The following POLRMT variants were observed in gnomAD, a reference collection of about 807,000 sequenced individuals.
The protein encoded by POLRMT is RNA polymerase mitochondrial.
In POLRMT, 114 loss-of-function variants were observed where a neutral mutation model predicts 132.2. The observed-to-expected ratio is 0.86, with a 90% CI of 0.74 to 1.01. The LOEUF is 1.01. Ranked by LOEUF, POLRMT falls within the 50% of genes least tolerant of loss-of-function variation. The pLI is 0.00. For missense variants in POLRMT, 2,003 were observed against 1,729.1 expected (o/e 1.16, Z -2.81); for synonymous variants, 1,020 against 773.4 (o/e 1.32, Z -5.29).
intron 3 of POLRMT, among the ~76,000 whole-genome samples, chr19:627,786 G>A (rs542704093): frequency 7.2e-5 from 11 of 151,970 alleles, no homozygotes; most frequent in Admixed American, 2.6e-4. Context: ...TTGGCCGGGC[G>A]TGGTGGTGAG....
chr19:633,381 A>T (rs11669858), intron 1 of POLRMT, 44 bp downstream of exon 1: 13 of 1,448,708 alleles, frequency 9.0e-6, no homozygotes, highest in Non-Finnish European at 1.2e-5. Context: ...GGAGGAGCCC[A>T]CGCCGTGGCC....
In POLRMT at chr19:629,632, G is replaced by A; in HGVS notation, c.730C>T (p.His244Tyr). ...TGGCCGTGGTGGACGACCAGCAGGT[G>A]GTGGGCGAGGGGCAGCTGGTCAGTG... ...LLTDQLPLAH[H>Y]LLVVHHGQRQ... Residue 244 changes from histidine (H) to tyrosine (Y), a missense_variant, in exon 3 of 21, where the codon CAC becomes TAC. Coordinates refer to ENST00000588649, the MANE Select transcript of POLRMT (RefSeq NM_005035.4). 6.2e-7 allele frequency: 1 copy of A among 1,609,976 alleles called. No individual in the cohort carries two copies.
At chr19:633,328 C>T (rs1311401987) in intron 1 of POLRMT, 97 bp downstream of exon 1, 36 of 1,339,944 alleles carry the variant, frequency 2.7e-5, no homozygotes, top group Non-Finnish European at 3.5e-5. Flanking sequence ...CGCCCAGGTG[C>T]AAAGAGGCAA....
At chr19:617,719 A>G (rs1400823603) in intron 18 of POLRMT, 58 bp downstream of exon 18, 71 of 1,610,436 alleles carry the variant, frequency 4.4e-5, no homozygotes, top group Non-Finnish European at 5.9e-5. Context: ...CCCCTACCCA[A>G]CGCCCCAGTG....
intron 13 of POLRMT, 43 bp downstream of exon 13, chr19:619,543 G>T (rs776010415): frequency 1.2e-6 from 2 of 1,606,660 alleles, no homozygotes; most frequent in South Asian, 1.1e-5. Context: ...GTTTTAAATG[G>T]CAGTGAAACC....
chr19:628,860 C>CGGG (rs1985208273), intron 3 of POLRMT, among the ~76,000 whole-genome samples: 1 of 151,998 alleles, frequency 6.6e-6, no homozygotes, highest in Admixed American at 6.6e-5. Context: ...AAAAATTAAT[C>CGGG]GGGGGTGGTG....
chr19:618,541 G>C lies in POLRMT; in HGVS notation c.3369C>G (p.Phe1123Leu), dbSNP rs756766243. 6.2e-7 allele frequency: 1 copy of C among 1,613,412 alleles called. No individual in the cohort carries two copies. The highest frequency in any genetic ancestry group is 1.3e-5 in the African/African-American group (1 of 75,050). The change falls in exon 17 of 21, where the codon TTC becomes TTG. Residue 1123 changes from phenylalanine to leucine, a missense_variant. Physicochemically the swap from Phe to Leu is conservative, Grantham distance 22. Coordinates refer to ENST00000588649, the MANE Select transcript of POLRMT (RefSeq NM_005035.4). ...TGTGGGAGGAGTCCAGCGAGTGGAT[G>C]AAGTTGGGCGGGAAGCCGTTCTTCT... ...RKQKNGFPPN[F>L]IHSLDSSHMM...
rs1334725619 is a variant in POLRMT at position 624,733 on chromosome 19, C to G, written c.1126G>C (p.Asp376His). The change falls in exon 5 of 21, where the codon GAC (aspartate) becomes CAC (histidine). Residue 376 changes from aspartate (D) to histidine (H), a missense_variant. Asp to His is a moderately conservative substitution (Grantham distance 81, BLOSUM62 -1). Coordinates refer to ENST00000588649, the MANE Select transcript of POLRMT (RefSeq NM_005035.4). ...PPVNTSKLLR[D>H]VYAKDGRVSY... Reference sequence around the variant, plus strand: ...CGTGGGCTCACCTTGGCATACACGTCCCTGAGCAGCTTGGAGGTGTTGACC... The same window carrying G: ...CGTGGGCTCACCTTGGCATACACGTGCCTGAGCAGCTTGGAGGTGTTGACC... The G allele has an allele frequency of 6.2e-7, 1 of 1,613,496 alleles. No individual in the cohort carries two copies. The highest frequency in any genetic ancestry group is 1.1e-5 in the South Asian group (1 of 91,072).
At chr19:620,632 G>T (rs1984454359) in intron 10 of POLRMT, 145 bp from the exon 11 acceptor site, 2 of 1,097,110 alleles carry the variant, frequency 1.8e-6, no homozygotes, top group Middle Eastern at 2.6e-4. Context: ...GAGAGACGGG[G>T]CGGTGGCTGG....
At chr19:617,360 G>A (rs1377563723) in intron 20 of POLRMT, 37 bp from the exon 21 acceptor site, 11 of 1,612,532 alleles carry the variant, frequency 6.8e-6, no homozygotes, top group African/African-American at 1.3e-5. Context: ...TGGGTGGCGG[G>A]AAAGCCCCGC....
intron 1 of POLRMT, 142 bp downstream of exon 1, chr19:633,283 G>T: frequency 1.9e-6 from 2 of 1,057,080 alleles, no homozygotes; most frequent in South Asian, 2.5e-5. Context: ...GGGCAAGGGC[G>T]AGTGGAAAGC....
At chr19:622,451 G>T in intron 8 of POLRMT, 78 bp from the exon 9 acceptor site, 4 of 1,463,152 alleles carry the variant, frequency 2.7e-6, no homozygotes, top group Non-Finnish European at 3.6e-6. Flanking sequence ...CTGACGCCCG[G>T]TGGGGCATCT....
In POLRMT at chr19:621,837, G is replaced by A. The variant is rs1984635161; in HGVS notation, c.1861C>T (p.Leu621=). The A allele has an allele frequency of 2.5e-6, 4 of 1,602,164 alleles. No homozygotes were observed. The highest frequency in any genetic ancestry group is 3.4e-6 in the Non-Finnish European group (4 of 1,179,834). ...TGCACGTAGGCCGGGTGCGGCTTCA[G>A]GATGCCGATCTGGGGTGCGACAGGC... ...SFRNVQQIGI[L]KPHPAYVQLL... is the part of the protein sequence containing the mutation. Residue 621 remains leucine, a synonymous_variant, in exon 10 of 21, where the codon CTG becomes TTG. Transcript: ENST00000588649.
At chr19:617,745 T>C (rs777745973) in intron 18 of POLRMT, 32 bp downstream of exon 18, 24 of 1,612,046 alleles carry the variant, frequency 1.5e-5, no homozygotes, top group African/African-American at 8.0e-5. Context: ...GCCCCACCCA[T>C]GGGTGGACTG....
At position 617,838 on chromosome 19, in the gene POLRMT, G is replaced by C; in HGVS notation, c.3434C>G (p.Thr1145Ser). The C allele has an allele frequency of 6.2e-7, 1 of 1,613,250 alleles. No individual in the cohort carries two copies. The highest frequency in any genetic ancestry group is 1.1e-5 in the South Asian group (1 of 91,088). The change falls in exon 18 of 21, where the codon ACC (threonine) becomes AGC (serine). Residue 1145 changes from threonine (T) to serine (S), a missense_variant. Physicochemically the swap from Thr to Ser is moderately conservative, Grantham distance 58. Coordinates refer to ENST00000588649, the MANE Select transcript of POLRMT (RefSeq NM_005035.4). ...TALHCYRKGL[T>S]FVSVHDCYWT... is the part of the protein sequence containing the mutation. Reference sequence around the variant, plus strand: ...GTAACAGTCGTGCACAGAGACGAAGGTCAGGCCCTTCCTGTGGCAGAGCGG... The same window carrying C: ...GTAACAGTCGTGCACAGAGACGAAGCTCAGGCCCTTCCTGTGGCAGAGCGG...
rs371250815 is a variant in POLRMT at position 619,922 on chromosome 19, C to T, written c.2886+36G>A. On this transcript the variant is annotated intron_variant, in intron 12 of 20. Transcript: ENST00000588649. ...AGACTCAGGGCTCACATTGCCCCCA[C>T]GCCGAGATGCCCCCGGGCAGCAGGG... 2.5e-4 allele frequency: 403 copies of T among 1,598,878 alleles called. 4 individuals are homozygous for T. In the South Asian group the frequency reaches 4.1e-3, roughly 16 times the overall value.
chr19:632,380 C>G (rs1422138144), intron 2 of POLRMT, among the ~76,000 whole-genome samples: 2 of 152,216 alleles, frequency 1.3e-5, no homozygotes, highest in African/African-American at 4.8e-5. Flanking sequence ...CAGGCCAGGA[C>G]GAGGGCCTGC....
In POLRMT at chr19:622,767, CG is replaced by C; in HGVS notation, c.1456-16del. 1 of 1,574,372 alleles carries C rather than the reference CG, an allele frequency of 6.4e-7. No individual in the cohort carries two copies. The highest frequency in any genetic ancestry group is 8.6e-7 in the Non-Finnish European group (1 of 1,162,212). On this transcript the variant is annotated splice_polypyrimidine_tract_variant and intron_variant, in intron 7 of 20. Coordinates refer to ENST00000588649, the MANE Select transcript of POLRMT (RefSeq NM_005035.4). ...GCCTGCAGGACCTGCGGAAGGCAGC[CG>C]TGAGTGCCTGCCCGCCCCGCCCGGG...
chr19:626,515 A>T (rs1402254530), intron 3 of POLRMT, among the ~76,000 whole-genome samples: 6 of 147,382 alleles, frequency 4.1e-5, no homozygotes, highest in Non-Finnish European at 7.4e-5. Flanking sequence ...GGCCAGGCAC[A>T]GTGGCTCATG....
Sources: allele counts gnomAD v4.1 joint callset (sites outside exome capture counted in the v4.1 genomes callset), GRCh38; gene constraint gnomAD v4.1.1; transcripts MANE v1.5; gene names NCBI Gene and HGNC (gene_info 2026-07-23, HGNC 2026-07-21).